Variants in LINGO2 observed in about 807,000 individuals in gnomAD.
LINGO2 encodes the protein leucine rich repeat and Ig domain containing 2.
A neutral mutation model predicts 30.6 loss-of-function variants in LINGO2; 14 were observed. The observed-to-expected ratio is 0.46, with a 90% CI of 0.30 to 0.72. LINGO2 has a LOEUF of 0.72. LINGO2 is among the 30% of genes least tolerant of loss of function. The pLI is 0.07. For synonymous variants in LINGO2, 317 were observed against 288.5 expected, an observed-to-expected ratio of 1.10 and a Z score of -1.00; for missense variants, 729 against 751.7, an observed-to-expected ratio of 0.97 and a Z score of 0.35.
At chr9:28,675,755 T>C in the LINGO2 span, among the ~76,000 whole-genome samples, 5 of 150,562 alleles carry the variant, frequency 3.3e-5, no homozygotes, top group African/African-American at 9.8e-5. Context: ...CATGTAATCC[T>C]AGCTACTCGG....
intron 1 of LINGO2, among the ~76,000 whole-genome samples, chr9:28,537,947 T>C (rs1299550680): frequency 6.6e-6 from 1 of 150,860 alleles, no homozygotes; most frequent in African/African-American, 2.4e-5. Flanking sequence ...AGAGAAAAAG[T>C]TGCCCTAAAA....
intron 4 of LINGO2, among the ~76,000 whole-genome samples, chr9:28,043,062 TG>T (rs1331214026): frequency 6.6e-6 from 1 of 152,192 alleles, no homozygotes; most frequent in African/African-American, 2.4e-5. Context: ...ACAGGCAAAT[TG>T]GGGCACCCTG....
chr9:28,753,834 T>C, the LINGO2 span, among the ~76,000 whole-genome samples: 7 of 152,102 alleles, frequency 4.6e-5, no homozygotes, highest in East Asian at 1.2e-3. Context: ...CATGGAGGTG[T>C]CATCTGGGTT....
upstream of LINGO2, among the ~76,000 whole-genome samples, chr9:28,673,561 G>A (rs2136052618): frequency 6.6e-6 from 1 of 151,918 alleles, no homozygotes; most frequent in South Asian, 2.1e-4. Flanking sequence ...CAGCTACTTG[G>A]GAGGCTGAGG....
At chr9:28,540,381 C>T (rs546121094) in intron 1 of LINGO2, among the ~76,000 whole-genome samples, 1 of 152,118 alleles carries the variant, frequency 6.6e-6, no homozygotes, top group Admixed American at 6.6e-5. Context: ...CCATCTCAGC[C>T]TCCCAAGTAG....
chr9:28,533,133 G>C (rs191946635), intron 1 of LINGO2, among the ~76,000 whole-genome samples: 14 of 152,106 alleles, frequency 9.2e-5, no homozygotes, highest in Non-Finnish European at 1.8e-4. Flanking sequence ...AAGGCAAGCA[G>C]AAAAAGGTGG....
the LINGO2 span, among the ~76,000 whole-genome samples, chr9:29,170,842 T>C: frequency 6.6e-6 from 1 of 151,972 alleles, no homozygotes; most frequent in East Asian, 1.9e-4. Flanking sequence ...ACAAATAAAA[T>C]AAATATGACA....
At chr9:28,723,904 A>G in the LINGO2 span, among the ~76,000 whole-genome samples, 1 of 152,190 alleles carries the variant, frequency 6.6e-6, no homozygotes, top group African/African-American at 2.4e-5. Flanking sequence ...AGCTTAAAAG[A>G]AAGTTTCAGA....
At chr9:28,163,783 C>T (rs575266468) in intron 4 of LINGO2, among the ~76,000 whole-genome samples, 1 of 152,258 alleles carries the variant, frequency 6.6e-6, no homozygotes, top group East Asian at 1.9e-4. Flanking sequence ...CATCTACAGC[C>T]CAATTTTCTG....
intron 1 of LINGO2, among the ~76,000 whole-genome samples, chr9:28,604,531 C>T (rs532438257): frequency 5.3e-5 from 8 of 152,054 alleles, no homozygotes; most frequent in Non-Finnish European, 7.4e-5. Context: ...AAAGACACCA[C>T]GGTTTAACAT....
At chr9:27,990,598 A>C (rs1044288278) in intron 5 of LINGO2, among the ~76,000 whole-genome samples, 1 of 151,998 alleles carries the variant, frequency 6.6e-6, no homozygotes, top group African/African-American at 2.4e-5. Flanking sequence ...ACTATGTATT[A>C]TATCAAAATG....
intron 4 of LINGO2, among the ~76,000 whole-genome samples, chr9:28,017,200 A>T (rs556762919): frequency 6.6e-6 from 1 of 152,170 alleles, no homozygotes; most frequent in Non-Finnish European, 1.5e-5. Flanking sequence ...TCAAAATAAT[A>T]AGAGCCATCT....
At chr9:28,456,223 CT>C (rs1824841397) in intron 2 of LINGO2, among the ~76,000 whole-genome samples, 1 of 152,140 alleles carries the variant, frequency 6.6e-6, no homozygotes, top group Non-Finnish European at 1.5e-5. Flanking sequence ...GTGAAAAAGA[CT>C]TGTTGAAGTC....
the LINGO2 span, among the ~76,000 whole-genome samples, chr9:28,957,021 G>T: frequency 3.9e-5 from 6 of 151,916 alleles, no homozygotes; most frequent in Admixed American, 3.9e-4. Context: ...ATTCTAAGCA[G>T]GACTAAGTGG....
At position 28,437,116 on chromosome 9, in the gene LINGO2, G is replaced by A. The variant is rs78186991; in HGVS notation, c.-279+38824C>T. ...CTATTGGGTGTTATCAAAGGAGGTTGGCTTATGAGTCAGTGGACTGAGTGG... is the reference window on the plus strand; with the variant it reads ...CTATTGGGTGTTATCAAAGGAGGTTAGCTTATGAGTCAGTGGACTGAGTGG... On this transcript the variant is annotated intron_variant, in intron 2 of 5. Coordinates refer to ENST00000379992, the Ensembl canonical transcript of LINGO2. Among the ~76,000 whole-genome samples the A allele has an allele frequency of 9.5e-3, 1,440 of 152,308 alleles. 22 individuals are homozygous for A. The highest frequency in any genetic ancestry group is 0.033 in the African/African-American group (1,357 of 41,566).
chr9:28,869,192 A>G, the LINGO2 span, among the ~76,000 whole-genome samples: 3 of 152,130 alleles, frequency 2.0e-5, no homozygotes, highest in African/African-American at 7.2e-5. Context: ...TAGGCTAGAC[A>G]TTGAAGAATC....
At chr9:28,197,564 T>C (rs930351612) in intron 4 of LINGO2, among the ~76,000 whole-genome samples, 4 of 151,986 alleles carry the variant, frequency 2.6e-5, no homozygotes, top group Non-Finnish European at 5.9e-5. Flanking sequence ...TTAATATATG[T>C]TCCAGATGGG....
chr9:28,369,899 C>T (rs187583070), intron 3 of LINGO2, among the ~76,000 whole-genome samples: 268 of 152,178 alleles, frequency 1.8e-3, no homozygotes, highest in African/African-American at 6.1e-3. Context: ...ATTGTATAAT[C>T]TCTGCTTCTT....
the LINGO2 span, among the ~76,000 whole-genome samples, chr9:29,189,914 A>C: frequency 6.6e-6 from 1 of 151,594 alleles, no homozygotes; most frequent in East Asian, 1.9e-4. Flanking sequence ...CAGCAGGCTG[A>C]GGCAGGAGAA....
Sources: gnomAD v4.1 joint callset for allele counts (sites outside exome capture counted in the v4.1 genomes callset) on GRCh38, gnomAD v4.1.1 for gene constraint, MANE v1.5 for transcripts, NCBI Gene and HGNC (gene_info 2026-07-23, HGNC 2026-07-21) for gene names.